The following FOXP1 variants were observed in gnomAD, a reference collection of about 807,000 sequenced individuals.
FOXP1 encodes forkhead box protein P1.
FOXP1 carries 15 observed loss-of-function variants against 98.2 expected under a neutral mutation model. The ratio of observed to expected loss-of-function variants is 0.15; its 90% CI spans 0.10 to 0.24. The LOEUF (loss-of-function observed/expected upper bound fraction) is 0.24, where lower values mean the gene tolerates loss of function less well. FOXP1 is among the 10% of genes least tolerant of loss of function. The pLI is 1.00. For missense variants in FOXP1, 633 were observed against 848.5 expected (o/e 0.75, Z 3.15); for synonymous variants, 371 against 314.5 (o/e 1.18, Z -1.90).
chr3:71,339,030 GC>G (rs1373038459), intron 4 of FOXP1, among the ~76,000 whole-genome samples: 1 of 152,186 alleles, frequency 6.6e-6, no homozygotes, highest in Non-Finnish European at 1.5e-5. Flanking sequence ...CCATATCTGA[GC>G]CTTCTGATCT....
At chr3:71,220,620 G>T (rs1181737615) in intron 5 of FOXP1, among the ~76,000 whole-genome samples, 1 of 152,098 alleles carries the variant, frequency 6.6e-6, no homozygotes, top group Middle Eastern at 3.2e-3. Context: ...AGGTGTGGCA[G>T]TGCACGCCTG....
At position 71,283,212 on chromosome 3, in the gene FOXP1, G is replaced by C. The variant is rs182188705; in HGVS notation, c.-12+16608C>G. Among the ~76,000 whole-genome samples, 16 of 152,266 alleles carry C rather than the reference G, an allele frequency of 1.1e-4. No homozygotes were observed. The East Asian group carries it at 3.1e-3, about 29-fold the overall frequency. Reference sequence around the variant, plus strand: ...TTCATTCAGGAATGAATAAGAATGAGCTGCTTGGGTTTACGGACTCACAGA... The same window carrying C: ...TTCATTCAGGAATGAATAAGAATGACCTGCTTGGGTTTACGGACTCACAGA... On this transcript the variant is annotated intron_variant, in intron 5 of 20. Coordinates refer to ENST00000649528, the MANE Select transcript of FOXP1 (RefSeq NM_001349338.3).
chr3:71,563,935 C>T (rs1367752586), intron 2 of FOXP1, among the ~76,000 whole-genome samples: 3 of 152,218 alleles, frequency 2.0e-5, no homozygotes, highest in East Asian at 1.9e-4. Flanking sequence ...CTGAATGGCA[C>T]GTGTGAATAC....
At chr3:71,315,400 A>C (rs1436404661) in intron 4 of FOXP1, among the ~76,000 whole-genome samples, 1 of 152,122 alleles carries the variant, frequency 6.6e-6, no homozygotes, top group East Asian at 1.9e-4. Flanking sequence ...AGTTTTGCCA[A>C]TAAAAAAAAA....
intron 12 of FOXP1, among the ~76,000 whole-genome samples, chr3:71,010,781 G>A (rs2043478998): frequency 6.6e-6 from 1 of 152,030 alleles, no homozygotes; most frequent in African/African-American, 2.4e-5. Context: ...TATGAATCCA[G>A]CAATCTGAGC....
chr3:71,492,372 A>C (rs1201472726), intron 3 of FOXP1, among the ~76,000 whole-genome samples: 1 of 151,786 alleles, frequency 6.6e-6, no homozygotes, highest in Non-Finnish European at 1.5e-5. Flanking sequence ...AAATTGCTTG[A>C]ACCTGGGAGG....
chr3:71,018,272 C>T (rs2044814721), intron 11 of FOXP1, among the ~76,000 whole-genome samples: 1 of 152,186 alleles, frequency 6.6e-6, no homozygotes. Context: ...CTTCAAAGGA[C>T]AGATAACGAC....
intron 6 of FOXP1, among the ~76,000 whole-genome samples, chr3:71,168,244 T>C (rs2061482372): frequency 6.6e-6 from 1 of 152,118 alleles, no homozygotes; most frequent in Admixed American, 6.6e-5. Context: ...AACTGATGTA[T>C]GCATTAATCT....
chr3:71,122,940 C>T (rs1376007536), intron 6 of FOXP1, among the ~76,000 whole-genome samples: 1 of 152,070 alleles, frequency 6.6e-6, no homozygotes, highest in Admixed American at 6.5e-5. Flanking sequence ...GACTGTGGGC[C>T]CTTTTGCCTC....
Position 71,000,221 on chromosome 3 carries a change from C to T in FOXP1, c.1062+751G>A, listed in dbSNP as rs538258782. On this transcript the variant is annotated intron_variant, in intron 13 of 20. Transcript: ENST00000649528. Reference sequence around the variant, plus strand: ...GGCCCCATCTCTCACACTGTGATTCCCAGGAAAATCTGCAAACTTTATTTT... The same window carrying T: ...GGCCCCATCTCTCACACTGTGATTCTCAGGAAAATCTGCAAACTTTATTTT... Among the ~76,000 whole-genome samples the T allele has an allele frequency of 8.5e-4, 129 of 151,822 alleles. 1 individual carries two copies. Among genetic ancestry groups the T allele is most frequent in the African/African-American group, 3.0e-3 (126 of 41,418 alleles).
At chr3:71,237,483 T>C (rs771990055) in intron 5 of FOXP1, among the ~76,000 whole-genome samples, 1 of 152,114 alleles carries the variant, frequency 6.6e-6, no homozygotes, top group Non-Finnish European at 1.5e-5. Context: ...TAGCAGACAG[T>C]GCAGGACTAG....
intron 4 of FOXP1, among the ~76,000 whole-genome samples, chr3:71,300,224 C>T (rs17008474): frequency 0.056 from 8,523 of 152,254 alleles, 304 homozygotes; most frequent in African/African-American, 0.095. Flanking sequence ...GCCACTTGAA[C>T]GTGTCTCTGT....
At chr3:71,353,266 A>G (rs757193589) in intron 4 of FOXP1, among the ~76,000 whole-genome samples, 7 of 152,242 alleles carry the variant, frequency 4.6e-5, no homozygotes, top group Non-Finnish European at 8.8e-5. Context: ...GGTATTGAGA[A>G]GAGGGCAGCA....
chr3:71,268,156 T>C (rs1327969299), intron 5 of FOXP1, among the ~76,000 whole-genome samples: 2 of 142,390 alleles, frequency 1.4e-5, no homozygotes, highest in African/African-American at 2.6e-5. Flanking sequence ...AGTGGCACGA[T>C]CTCGGCTCAC....
chr3:71,523,813 C>T (rs2043167565), intron 2 of FOXP1, among the ~76,000 whole-genome samples: 1 of 152,106 alleles, frequency 6.6e-6, no homozygotes. Flanking sequence ...ACTGAATTCA[C>T]CTTTCAAGTT....
chr3:71,110,701 TCTGA>T (rs759078742), intron 7 of FOXP1, among the ~76,000 whole-genome samples: 8 of 152,242 alleles, frequency 5.3e-5, no homozygotes, highest in Non-Finnish European at 1.0e-4. Flanking sequence ...CAATTCCCAG[TCTGA>T]CTACGGAAAC....
At chr3:71,159,427 T>C (rs1337914136) in intron 6 of FOXP1, among the ~76,000 whole-genome samples, 1 of 152,140 alleles carries the variant, frequency 6.6e-6, no homozygotes, top group Admixed American at 6.5e-5. Context: ...TTATTTTCTA[T>C]AACAAGAGAG....
chr3:71,034,129 G>T (rs545101384), intron 11 of FOXP1, among the ~76,000 whole-genome samples: 1 of 152,188 alleles, frequency 6.6e-6, no homozygotes. Context: ...TGACTTCCCT[G>T]CCAGCAAAAA....
chr3:71,392,713 A>C (rs1241962347), intron 3 of FOXP1, among the ~76,000 whole-genome samples: 1 of 152,192 alleles, frequency 6.6e-6, no homozygotes, highest in East Asian at 1.9e-4. Context: ...TGAACATATA[A>C]TTGCAATGCA....
Sources: gnomAD v4.1 joint callset for allele counts (sites outside exome capture counted in the v4.1 genomes callset) on GRCh38, gnomAD v4.1.1 for gene constraint, MANE v1.5 for transcripts, NCBI Gene and HGNC (gene_info 2026-07-23, HGNC 2026-07-21) for gene names.